Variants in ZZEF1 observed in about 807,000 individuals in gnomAD.
ZZEF1 encodes zinc finger ZZ-type and EF-hand domain-containing protein 1.
A neutral mutation model predicts 342.8 loss-of-function variants in ZZEF1; 157 were observed. The observed-to-expected ratio is 0.46, with a 90% CI of 0.40 to 0.52. The LOEUF (loss-of-function observed/expected upper bound fraction) is 0.52. Ranked by LOEUF, ZZEF1 falls within the 20% of genes least tolerant of loss-of-function variation. The probability of loss-of-function intolerance (pLI) is 0.00; values close to 1 mark genes in which losing one functional copy is unlikely to be tolerated. For synonymous variants in ZZEF1, 1,505 were observed against 1,429.1 expected, an observed-to-expected ratio of 1.05 and a Z score of -1.20; for missense variants, 3,480 against 3,725.6, an observed-to-expected ratio of 0.93 and a Z score of 1.72.
intron 2 of ZZEF1, among the ~76,000 whole-genome samples, chr17:4,122,440 G>A (rs1028243475): frequency 6.6e-6 from 1 of 151,406 alleles, no homozygotes; most frequent in South Asian, 2.1e-4. Context: ...GTGCAATGGT[G>A]CGATCTCAGC....
At chr17:4,077,786 CA>C in intron 19 of ZZEF1, 96 bp downstream of exon 19, 1 of 1,276,168 alleles carries the variant, frequency 7.8e-7, no homozygotes, top group Non-Finnish European at 1.1e-6. Flanking sequence ...TGAAGAAAGC[CA>C]TATGCACACT....
At chr17:4,119,734 G>A (rs914335302) in intron 2 of ZZEF1, among the ~76,000 whole-genome samples, 1 of 152,144 alleles carries the variant, frequency 6.6e-6, no homozygotes, top group African/African-American at 2.4e-5. Flanking sequence ...AGCATTTCTG[G>A]AGACAGAATC....
intron 11 of ZZEF1, among the ~76,000 whole-genome samples, chr17:4,092,599 G>A (rs1365567641): frequency 6.6e-6 from 1 of 152,142 alleles, no homozygotes; most frequent in African/African-American, 2.4e-5. Flanking sequence ...GTGAGCCACT[G>A]TGCCCGGCAA....
In ZZEF1 at chr17:4,064,688, G is replaced by C; in HGVS notation, c.4391C>G (p.Ser1464Cys). The change falls in exon 29 of 55, where the codon TCT becomes TGT. Residue 1464 changes from serine to cysteine, a missense_variant. Physicochemically the swap from Ser to Cys is moderately radical, Grantham distance 112. Coordinates refer to ENST00000381638, the MANE Select transcript of ZZEF1 (RefSeq NM_015113.4). ...GGCTTGGAAATGCTCTTCCACCACA[G>C]AGCTTGTCCTCTGACGCTTGTTGAG... ...QPLNKRQRTS[S>C]VVEEHFQASV... 7.4e-6 allele frequency: 12 copies of C among 1,614,236 alleles called. No individual in the cohort carries two copies. Among genetic ancestry groups the C allele is most frequent in the Non-Finnish European group, 1.0e-5 (12 of 1,180,048 alleles).
chr17:4,022,192 C>T (rs982171591), intron 44 of ZZEF1, among the ~76,000 whole-genome samples: 3 of 152,106 alleles, frequency 2.0e-5, no homozygotes, highest in South Asian at 2.1e-4. Context: ...CCTGAATGGC[C>T]GCTCACTCCC....
chr17:4,103,452 C>A, intron 8 of ZZEF1, among the ~76,000 whole-genome samples: 1 of 151,958 alleles, frequency 6.6e-6, no homozygotes, highest in Non-Finnish European at 1.5e-5. Context: ...GAGGCTGAGG[C>A]AAGAGGATCA....
At position 4,052,112 on chromosome 17, in the gene ZZEF1, C is replaced by T. The variant is rs1177174418; in HGVS notation, c.5459G>A (p.Gly1820Glu). 5 of 1,613,530 alleles carry T rather than the reference C, an allele frequency of 3.1e-6. No homozygotes were observed. The highest frequency in any genetic ancestry group is 4.2e-6 in the Non-Finnish European group (5 of 1,179,814). Residue 1820 changes from glycine (G) to glutamate (E), a missense_variant, in exon 35 of 55, where the codon GGA (glycine) becomes GAA (glutamate). This residue lies in a region of ZZEF1 where 175 missense variants were observed against 254.6 expected (regional missense o/e 0.69). Transcript: ENST00000381638. ...CATGTTGACCATTTCATGGTCGTCT[C>T]CGTGGCCCTCAGGCTTCACCCCACC... ...FLGGVKPEGH[G>E]DDHEMVNMEF...
intron 1 of ZZEF1, among the ~76,000 whole-genome samples, chr17:4,136,534 C>G (rs2058751985): frequency 6.6e-6 from 1 of 152,116 alleles, no homozygotes; most frequent in Non-Finnish European, 1.5e-5. Context: ...AATGGTGGAA[C>G]TAGAACTTGC....
At chr17:4,027,264 C>A (rs2056428254) in intron 42 of ZZEF1, among the ~76,000 whole-genome samples, 1 of 146,708 alleles carries the variant, frequency 6.8e-6, no homozygotes, top group Admixed American at 6.8e-5. Context: ...GGTATAAGAC[C>A]TACGCACCCA....
intron 16 of ZZEF1, among the ~76,000 whole-genome samples, chr17:4,083,832 C>A (rs1468853799): frequency 6.6e-6 from 1 of 152,036 alleles, no homozygotes; most frequent in African/African-American, 2.4e-5. Context: ...GGCCTTTGTG[C>A]ATCCCATAGA....
chr17:4,015,060 A>G (rs1179898405), intron 49 of ZZEF1, among the ~76,000 whole-genome samples: 1 of 152,234 alleles, frequency 6.6e-6, no homozygotes, highest in Non-Finnish European at 1.5e-5. Context: ...AACCCTGGAA[A>G]GCTTTGGTGA....
At chr17:4,133,944 A>G (rs1483465238) in intron 1 of ZZEF1, among the ~76,000 whole-genome samples, 1 of 152,046 alleles carries the variant, frequency 6.6e-6, no homozygotes, top group Non-Finnish European at 1.5e-5. Flanking sequence ...GGGTCAAGCA[A>G]TCCTCCTGCC....
Position 4,008,873 on chromosome 17 carries a change from G to T in ZZEF1, c.8805+10C>A, listed in dbSNP as rs750983587. Reference sequence around the variant, plus strand: ...CCTGGGGGCCAGCTCTGTTGGGGTGGAGAGAGTACCTGTGCCGCACAGCGG... The same window carrying T: ...CCTGGGGGCCAGCTCTGTTGGGGTGTAGAGAGTACCTGTGCCGCACAGCGG... On this transcript the variant is annotated intron_variant, in intron 54 of 54. Coordinates refer to ENST00000381638, the MANE Select transcript of ZZEF1 (RefSeq NM_015113.4). This position sits in a 1 kb window ranked among gnomAD's most constrained non-coding sequence, Gnocchi z 4.2. The T allele has an allele frequency of 1.9e-6, 3 of 1,546,294 alleles. No homozygotes were observed. The Admixed American group carries it at 5.9e-5, about 30-fold the overall frequency.
chr17:4,051,205 C>T (rs901395715), intron 35 of ZZEF1, among the ~76,000 whole-genome samples, 162 bp from the exon 36 acceptor site: 15 of 152,220 alleles, frequency 9.9e-5, no homozygotes, highest in Middle Eastern at 6.8e-3. Context: ...GCCCTCTCTC[C>T]AGAAAAATGA....
rs374479747 is a variant in ZZEF1, at chr17:4,080,024, C to T, written c.2829+1352G>A. On this transcript the variant is annotated intron_variant, in intron 18 of 54. Coordinates refer to ENST00000381638, the MANE Select transcript of ZZEF1 (RefSeq NM_015113.4). ...CCATATTTAGCCCAAAGAGATAGTT[C>T]TTGGTTTCCTAGTACAGGGGTGCTA... is the stretch of plus-strand genomic sequence containing the variant. Among the ~76,000 whole-genome samples the T allele has an allele frequency of 4.6e-5, 7 of 152,298 alleles. No homozygotes were observed. In the South Asian group the frequency reaches 1.5e-3, roughly 32 times the overall value.
chr17:4,080,913 C>A (rs1005216415), intron 18 of ZZEF1, among the ~76,000 whole-genome samples: 1 of 152,120 alleles, frequency 6.6e-6, no homozygotes, highest in African/African-American at 2.4e-5. Flanking sequence ...GCTGGGAAAC[C>A]TTTGTGATCA....
chr17:4,006,454 A>G lies in ZZEF1; in HGVS notation c.*436T>C. 4.1e-6 allele frequency: 1 copy of G among 242,832 alleles called. No individual in the cohort carries two copies. The highest frequency in any genetic ancestry group is 8.2e-6 in the Non-Finnish European group (1 of 122,110). The allele number at this position is 242,832 out of a possible 1,614,324, so 15.0% of individuals were successfully genotyped here. A position where few individuals can be genotyped will look rare whatever the true frequency, so the allele number is the denominator to read the frequency against. ...GCAAAGAGGTGCTCCCAGGCTGGGC[A>G]GCCACTGGGGGTCTTGCTGGAAAGG... On this transcript the variant is annotated 3_prime_UTR_variant, in exon 55 of 55. Transcript: ENST00000381638.
intron 40 of ZZEF1, chr17:4,033,801 C>T (rs886132779): frequency 9.9e-6 from 6 of 608,212 alleles, no homozygotes; most frequent in South Asian, 8.3e-5. Context: ...CAGCCAGTGT[C>T]GAGACTGCTC....
chr17:4,142,563 G>T lies in ZZEF1; in HGVS notation c.333C>A (p.Cys111Ter). The part of the protein sequence containing the change: ...RELLEARGAG[C>*]SSEQFEEAFA... ...TGACCTCCTCGAACTGCTCGCTAGAGCAGCCGGCGCCGCGAGCCTCCAGCA... is the reference window on the plus strand; with the variant it reads ...TGACCTCCTCGAACTGCTCGCTAGATCAGCCGGCGCCGCGAGCCTCCAGCA... Residue 111 changes from cysteine (C) to a stop codon, truncating the protein, a stop_gained, in exon 1 of 55, where the codon TGC becomes TGA. Coordinates refer to ENST00000381638, the MANE Select transcript of ZZEF1 (RefSeq NM_015113.4). LOFTEE classifies it high-confidence loss of function. The T allele has an allele frequency of 6.2e-7, 1 of 1,602,238 alleles. No individual in the cohort carries two copies. Among genetic ancestry groups the T allele is most frequent in the Non-Finnish European group, 8.5e-7 (1 of 1,179,390 alleles).
Sources: gnomAD v4.1 joint callset for allele counts (sites outside exome capture counted in the v4.1 genomes callset) on GRCh38, gnomAD v4.1.1 for gene constraint, gnomAD v4.1.1 regional missense constraint, Gnocchi (gnomAD v3.1) non-coding constraint, MANE v1.5 for transcripts, NCBI Gene and HGNC (gene_info 2026-07-23, HGNC 2026-07-21) for gene names.